ABLIM2: variants seen among roughly 807,000 people sequenced by gnomAD.
The protein encoded by ABLIM2 is actin-binding LIM protein 2.
ABLIM2 carries 53 observed loss-of-function variants against 97.7 expected under a neutral mutation model. That is an observed-to-expected ratio of 0.54 (90% CI 0.44 to 0.68). The LOEUF (loss-of-function observed/expected upper bound fraction) is 0.68, where lower values mean the gene tolerates loss of function less well. Among genes scored for constraint, ABLIM2 ranks in the 30% least tolerant of loss-of-function variants. The pLI, the probability that ABLIM2 is intolerant of heterozygous loss-of-function variation, is 0.00. For synonymous variants in ABLIM2, 361 were observed against 345.8 expected, an observed-to-expected ratio of 1.04 and a Z score of -0.49; for missense variants, 835 against 867.2, an observed-to-expected ratio of 0.96 and a Z score of 0.47.
Position 7,992,953 on chromosome 4 carries a change from T to C in ABLIM2, c.1619-26A>G, listed in dbSNP as rs1388233168. ...CTGAAACAGACACAGCACAGCTTTG[T>C]CACGCGCGCAGACTCGGTGCAGCAA... On this transcript the variant is annotated intron_variant, in intron 16 of 20. Transcript: ENST00000447017. This position sits in a 1 kb window ranked among gnomAD's most constrained non-coding sequence, Gnocchi z 5.7. 3 of 1,610,318 alleles carry C rather than the reference T, an allele frequency of 1.9e-6. No individual in the cohort carries two copies. Among genetic ancestry groups the C allele is most frequent in the Non-Finnish European group, 2.5e-6 (3 of 1,178,658 alleles).
At chr4:7,984,966 G>C in intron 17 of ABLIM2, 73 bp from the exon 18 acceptor site, 2 of 1,518,450 alleles carry the variant, frequency 1.3e-6, no homozygotes, top group South Asian at 2.4e-5. Flanking sequence ...GGGACCAGGA[G>C]ATGTGGCCCC....
intron 5 of ABLIM2, among the ~76,000 whole-genome samples, chr4:8,078,003 T>C (rs564120460): frequency 9.2e-4 from 140 of 152,338 alleles, no homozygotes; most frequent in African/African-American, 3.3e-3. Flanking sequence ...CAGCAGCTTC[T>C]GGGAAACGAG....
chr4:8,039,874 G>GT (rs397947626), intron 9 of ABLIM2, among the ~76,000 whole-genome samples: 13,405 of 108,544 alleles, frequency 0.12, 958 homozygotes, highest in East Asian at 0.27. Flanking sequence ...GCTGATTACT[G>GT]TTTTTTTTTT....
chr4:8,011,886 C>T (rs969447888), intron 14 of ABLIM2, among the ~76,000 whole-genome samples: 12 of 152,118 alleles, frequency 7.9e-5, no homozygotes, highest in African/African-American at 2.7e-4. Context: ...ACTGGCCTGC[C>T]TTTCCTCCTT....
Position 8,095,029 on chromosome 4 carries a change from C to A in ABLIM2, c.338+2070G>T, listed in dbSNP as rs1294193786. ...TTCTTTCTCTCTCTCTCTCCCCCCACTTCTTTCCTTCCTTCCTTCTTTCTT... is the reference window on the plus strand; with the variant it reads ...TTCTTTCTCTCTCTCTCTCCCCCCAATTCTTTCCTTCCTTCCTTCTTTCTT... On this transcript the variant is annotated intron_variant, in intron 3 of 20. Coordinates refer to ENST00000447017, the MANE Select transcript of ABLIM2 (RefSeq NM_001130083.2). The surrounding 1 kb of genome is among the most constrained non-coding windows in gnomAD (Gnocchi z 4.7). Among the ~76,000 whole-genome samples the A allele has an allele frequency of 7.5e-6, 1 of 132,746 alleles. No homozygotes were observed. The highest frequency in any genetic ancestry group is 1.7e-5 in the Non-Finnish European group (1 of 60,592). The allele number at this position is 132,746 out of a possible 152,430, so 87.1% of individuals were successfully genotyped here. A position where few individuals can be genotyped will look rare whatever the true frequency, so the allele number is the denominator to read the frequency against.
In ABLIM2 at chr4:8,072,695, G is replaced by A. The variant is rs1247401040; in HGVS notation, c.675+4933C>T. The stretch of plus-strand genomic sequence containing the variant: ...CTCTCAGTGGCTGATGGCCGGGCAC[G>A]TGGGTGGATCCAGCTGGACGCCCAG... On this transcript the variant is annotated intron_variant, in intron 6 of 20. Transcript: ENST00000447017. This position sits in a 1 kb window ranked among gnomAD's most constrained non-coding sequence, Gnocchi z 5.8. 1.3e-5 allele frequency among the ~76,000 whole-genome samples: 2 copies of A among 152,382 alleles called. No homozygotes were observed. Among genetic ancestry groups the A allele is most frequent in the East Asian group, 1.9e-4 (1 of 5,182 alleles).
In ABLIM2 at chr4:8,071,013, G is replaced by A. The variant is rs1420727276; in HGVS notation, c.675+6615C>T. 6.6e-6 allele frequency among the ~76,000 whole-genome samples: 1 copy of A among 152,166 alleles called. No individual in the cohort carries two copies. Among genetic ancestry groups the A allele is most frequent in the Non-Finnish European group, 1.5e-5 (1 of 68,016 alleles). On this transcript the variant is annotated intron_variant, in intron 6 of 20. Transcript: ENST00000447017. The surrounding 1 kb of genome is among the most constrained non-coding windows in gnomAD (Gnocchi z 6.2). ...CAGGAGGTGTTGACAGGGCGAGGGA[G>A]GGATGGGGTTCCTGGAAGGTGGGGC...
chr4:8,055,188 C>G (rs1218656618), intron 7 of ABLIM2, among the ~76,000 whole-genome samples: 1 of 152,156 alleles, frequency 6.6e-6, no homozygotes, highest in African/African-American at 2.4e-5. Flanking sequence ...ATGTTAGTTG[C>G]ATTAGTGCGA....
chr4:7,973,077 G>GTC (rs778830249), intron 20 of ABLIM2, among the ~76,000 whole-genome samples: 4 of 143,506 alleles, frequency 2.8e-5, no homozygotes, highest in Non-Finnish European at 6.1e-5. Flanking sequence ...TCCCCTTGCT[G>GTC]TGTGTGTGTG....
intron 6 of ABLIM2, among the ~76,000 whole-genome samples, chr4:8,076,193 G>A (rs763257067): frequency 3.3e-5 from 5 of 152,324 alleles, no homozygotes; most frequent in South Asian, 2.1e-4. Context: ...GTGGCCACCC[G>A]TCTCCCCGCC....
chr4:8,126,822 T>C (rs986317664), intron 1 of ABLIM2, among the ~76,000 whole-genome samples: 2 of 151,820 alleles, frequency 1.3e-5, no homozygotes, highest in African/African-American at 2.4e-5. Context: ...TCCCAGCACT[T>C]TGAGAGGCTG....
At position 8,156,451 on chromosome 4, in the gene ABLIM2, A is replaced by C. The variant is rs1281522433; in HGVS notation, c.10+2229T>G. On this transcript the variant is annotated intron_variant, in intron 1 of 20. Coordinates refer to ENST00000447017, the MANE Select transcript of ABLIM2 (RefSeq NM_001130083.2). Reference sequence around the variant, plus strand: ...CACCTTGCCATGTGCTATATAAACAATCGCTCTGGCCACCTGAAATCAACA... The same window carrying C: ...CACCTTGCCATGTGCTATATAAACACTCGCTCTGGCCACCTGAAATCAACA... 1.1e-4 allele frequency among the ~76,000 whole-genome samples: 17 copies of C among 152,192 alleles called. No homozygotes were observed. The East Asian group carries it at 3.1e-3, about 28-fold the overall frequency.
intron 8 of ABLIM2, among the ~76,000 whole-genome samples, chr4:8,050,810 G>A (rs1795526203): frequency 6.6e-6 from 1 of 152,208 alleles, no homozygotes; most frequent in Admixed American, 6.5e-5. Flanking sequence ...GCCAGTCCCT[G>A]GACTCGGCGC....
intron 3 of ABLIM2, among the ~76,000 whole-genome samples, chr4:8,093,440 G>A (rs1004649992): frequency 1.1e-4 from 17 of 152,100 alleles, no homozygotes; most frequent in African/African-American, 3.4e-4. Flanking sequence ...AGTCTTTATC[G>A]TGCCTTCGTT....
intron 14 of ABLIM2, among the ~76,000 whole-genome samples, chr4:8,016,119 A>G (rs1237859863): frequency 7.2e-6 from 1 of 139,340 alleles, no homozygotes; most frequent in Non-Finnish European, 1.5e-5. Context: ...ATCTCGGCTC[A>G]CTGCAACCTC....
intron 4 of ABLIM2, among the ~76,000 whole-genome samples, chr4:8,084,774 C>T (rs1199406009): frequency 2.0e-5 from 3 of 152,228 alleles, no homozygotes; most frequent in Non-Finnish European, 2.9e-5. Flanking sequence ...GCCAGCCTGC[C>T]GCCCACGCCC....
rs1051996761 is a variant in ABLIM2, at chr4:8,147,261, T to C, written c.10+11419A>G. ...TTAAATTTAGCGAGTAACATTTTTTTTATCCTATGAGAAGTCATTCTCACT... is the reference window on the plus strand; with the variant it reads ...TTAAATTTAGCGAGTAACATTTTTTCTATCCTATGAGAAGTCATTCTCACT... On this transcript the variant is annotated intron_variant, in intron 1 of 20. Coordinates refer to ENST00000447017, the MANE Select transcript of ABLIM2 (RefSeq NM_001130083.2). The surrounding 1 kb of genome is among the most constrained non-coding windows in gnomAD (Gnocchi z 5.3). Among the ~76,000 whole-genome samples, 2 of 152,226 alleles carry C rather than the reference T, an allele frequency of 1.3e-5. No homozygotes were observed. The highest frequency in any genetic ancestry group is 3.8e-4 in the East Asian group (2 of 5,204).
chr4:8,137,387 T>TG (rs1850337930), intron 1 of ABLIM2, among the ~76,000 whole-genome samples: 1 of 151,276 alleles, frequency 6.6e-6, no homozygotes, highest in Non-Finnish European at 1.5e-5. Context: ...ACAAAGACAG[T>TG]GGGGGCGGCC....
intron 3 of ABLIM2, 138 bp downstream of exon 3, chr4:8,096,960 TG>T: frequency 1.8e-6 from 2 of 1,102,654 alleles, no homozygotes; most frequent in South Asian, 1.7e-5. Flanking sequence ...GTGCAGACTG[TG>T]GGGCCTGGAA....
Sources: allele counts gnomAD v4.1 joint callset (sites outside exome capture counted in the v4.1 genomes callset), GRCh38; gene constraint gnomAD v4.1.1; non-coding constraint Gnocchi (gnomAD v3.1); transcripts MANE v1.5; gene names NCBI Gene and HGNC (gene_info 2026-07-23, HGNC 2026-07-21).